RECQL4: variants seen among roughly 807,000 people sequenced by gnomAD.
RECQL4 encodes the protein RecQ like helicase 4, also known as ATP-dependent DNA helicase Q4.
A neutral mutation model predicts 128.6 loss-of-function variants in RECQL4; 158 were observed. That is an observed-to-expected ratio of 1.23 (90% CI 1.08 to 1.40). The LOEUF is 1.40. RECQL4 is among the 40% of genes most tolerant of loss of function. The pLI, the probability that RECQL4 is intolerant of heterozygous loss-of-function variation, is 0.00. For synonymous variants in RECQL4, 996 were observed against 678.9 expected (o/e 1.47, Z -7.26); for missense variants, 2,293 against 1,649.8 (o/e 1.39, Z -6.75).
rs2130663899 is a variant in RECQL4 at position 144,512,528 on chromosome 8, C to T, written c.2919G>A (p.Gln973=). Residue 973 remains glutamine, a synonymous_variant, in exon 17 of 21, where the codon CAG becomes CAA. Transcript: ENST00000617875. ...TGCCTTGCCCTGGGTCCTCAGGCAG[C>T]TGCTGGGCCAAGCACACAGCCAAAG... The part of the protein sequence containing the change: ...CPPLAVCLAQ[Q]LPEDPGQGSS... The T allele has an allele frequency of 6.2e-7, 1 of 1,612,578 alleles. No individual in the cohort carries two copies. Among genetic ancestry groups the T allele is most frequent in the Admixed American group, 1.7e-5 (1 of 60,026 alleles).
Position 144,514,350 on chromosome 8 carries a change from G to A in RECQL4, c.1717C>T (p.Gln573Ter), listed in dbSNP as rs1483085748. ...ESVLQKIRAA[Q>*]VHVLMLTPEA... ...GGTGTCAGCATCAGCACGTGTACCTGGGCTGCCCGAATCTGAAGGCAGCAA... is the reference window on the plus strand; with the variant it reads ...GGTGTCAGCATCAGCACGTGTACCTAGGCTGCCCGAATCTGAAGGCAGCAA... Residue 573 changes from glutamine (Q) to a stop codon, truncating the protein, a stop_gained, in exon 11 of 21, where the codon CAG (glutamine) becomes TAG (stop). Transcript: ENST00000617875. LOFTEE classifies it high-confidence loss of function. 1 of 1,602,492 alleles carries A rather than the reference G, an allele frequency of 6.2e-7. No homozygotes were observed. Among genetic ancestry groups the A allele is most frequent in the African/African-American group, 1.3e-5 (1 of 74,850 alleles).
chr8:144,517,541 G>T, intron 2 of RECQL4, 33 bp from the exon 3 acceptor site: 1 of 1,552,752 alleles, frequency 6.4e-7, no homozygotes. Context: ...GGGTCAGGGT[G>T]GGGCCTGGGC....
chr8:144,513,180 GC>G (rs1827578624), intron 14 of RECQL4, 37 bp downstream of exon 14: 5 of 1,480,618 alleles, frequency 3.4e-6, no homozygotes, highest in Admixed American at 1.8e-5. Flanking sequence ...ACCACTGGGG[GC>G]TCGAGCACTG....
chr8:144,515,705 G>A (rs937108032), intron 6 of RECQL4, 59 bp downstream of exon 6: 15 of 1,586,544 alleles, frequency 9.5e-6, no homozygotes, highest in Admixed American at 1.7e-5. Context: ...TCCCCCAAAA[G>A]AGCACTGCGC....
At chr8:144,514,906 G>GT (rs1827925218) in intron 9 of RECQL4, 30 bp downstream of exon 9, 1 of 1,608,058 alleles carries the variant, frequency 6.2e-7, no homozygotes, top group Non-Finnish European at 8.5e-7. Context: ...TCTTGGCTGT[G>GT]TACGTGTGCC....
intron 3 of RECQL4, 65 bp from the exon 4 acceptor site, chr8:144,517,255 AC>A: frequency 1.3e-6 from 2 of 1,527,150 alleles, no homozygotes. Flanking sequence ...GCTCCCAGCC[AC>A]CCCTCCCGCA....
chr8:144,517,054 AG>A lies in RECQL4; in HGVS notation c.349del (p.Leu117CysfsTer14), dbSNP rs769910217. On this transcript the variant is annotated frameshift_variant, in exon 4 of 21. Transcript: ENST00000617875. LOFTEE classifies it high-confidence loss of function. ...CACTGCCTGCCCACTCCTCACCTGC[AG>A]GGTGCCTTTCAGATTGGCCTTGAGC... ...QRLKANLKGT[L>X]QAGPALGRRP... The A allele has an allele frequency of 6.2e-7, 1 of 1,609,882 alleles. No homozygotes were observed. Among genetic ancestry groups the A allele is most frequent in the African/African-American group, 1.3e-5 (1 of 75,008 alleles).
chr8:144,513,196 T>C (rs1564794121), intron 14 of RECQL4, 22 bp downstream of exon 14: 1 of 514,498 alleles, frequency 1.9e-6, no homozygotes, highest in Admixed American at 3.2e-5. Context: ...GCACTGGCAG[T>C]GTGGGGGGGG....
intron 2 of RECQL4, 30 bp from the exon 3 acceptor site, chr8:144,517,538 G>C (rs1426587117): frequency 6.4e-7 from 1 of 1,554,698 alleles, no homozygotes; most frequent in Non-Finnish European, 8.6e-7. Flanking sequence ...GCGGGGTCAG[G>C]GTGGGGCCTG....
rs1007744170 is a variant in RECQL4 at position 144,516,250 on chromosome 8, C to T, written c.869G>A (p.Gly290Glu). The T allele has an allele frequency of 1.9e-6, 3 of 1,612,506 alleles. No homozygotes were observed. The African/African-American group carries it at 4.0e-5, about 22-fold the overall frequency. The stretch of plus-strand genomic sequence containing the variant: ...AGGGTCTTCCTCAACTGCTACAGCC[C>T]CAGCCCCCTCCGATGGGGGTCCAGC... ...SQAGPPSEGAGAVAVEEDPPG... is the reference protein window; with the variant it reads ...SQAGPPSEGAEAVAVEEDPPG... The change falls in exon 5 of 21, where the codon GGG becomes GAG. Residue 290 changes from glycine (G) to glutamate (E), a missense_variant. Coordinates refer to ENST00000617875, the MANE Select transcript of RECQL4 (RefSeq NM_004260.4).
At chr8:144,513,509 G>A (rs1482408128) in intron 13 of RECQL4, 29 bp from the exon 14 acceptor site, 1 of 1,610,636 alleles carries the variant, frequency 6.2e-7, no homozygotes. Flanking sequence ...GATGGTCAGT[G>A]GGATGGGACC....
In RECQL4 at chr8:144,511,380, C is replaced by T. The variant is rs558647166; in HGVS notation, c.*51G>A. 40 of 1,600,664 alleles carry T rather than the reference C, an allele frequency of 2.5e-5. No homozygotes were observed. Among genetic ancestry groups the T allele is most frequent in the Middle Eastern group, 3.3e-4 (2 of 6,052 alleles). On this transcript the variant is annotated 3_prime_UTR_variant, in exon 21 of 21. Coordinates refer to ENST00000617875, the MANE Select transcript of RECQL4 (RefSeq NM_004260.4). The stretch of plus-strand genomic sequence containing the variant: ...TTTTGCCCAGGTCCTCAGTCACTGC[C>T]CTAGCCTCTGACAACCCCAGCTCTA...
In RECQL4 at chr8:144,512,883, G is replaced by A. The variant is rs749389984; in HGVS notation, c.2719C>T (p.Gln907Ter). 2.5e-6 allele frequency: 4 copies of A among 1,595,880 alleles called. No individual in the cohort carries two copies. Among genetic ancestry groups the A allele is most frequent in the South Asian group, 2.3e-5 (2 of 88,680 alleles). Residue 907 changes from glutamine (Q) to a stop codon, truncating the protein, a stop_gained, in exon 15 of 21, where the codon CAG becomes TAG. Coordinates refer to ENST00000617875, the MANE Select transcript of RECQL4 (RefSeq NM_004260.4). LOFTEE classifies it high-confidence loss of function. ...ATGTCCAAAGCCTGTACGGTAAGCT[G>A]TATTGGGAGTGCCCGCTCATGGCCC... ...CMGHERALPIQLTVQALDMPE... is the reference protein window; with the variant it reads ...CMGHERALPI
In RECQL4 at chr8:144,512,666, G is replaced by A. The variant is rs746594220; in HGVS notation, c.2861C>T (p.Ala954Val). The A allele has an allele frequency of 4.3e-6, 7 of 1,612,576 alleles. No homozygotes were observed. Among genetic ancestry groups the A allele is most frequent in the Admixed American group, 1.7e-5 (1 of 60,026 alleles). Reference protein sequence around the residue: ...HCRLNCPGGPAQLQALAHRCP... With the variant: ...HCRLNCPGGPVQLQALAHRCP... ...CCTGTGGGCCAGGGCCTGGAGCTGG[G>A]CAGGGCCCCCAGGGCAGTTCAGACG... The change falls in exon 16 of 21, where the codon GCC becomes GTC. Residue 954 changes from alanine to valine, a missense_variant. Ala to Val is a moderately conservative substitution (Grantham distance 64). Coordinates refer to ENST00000617875, the MANE Select transcript of RECQL4 (RefSeq NM_004260.4).
chr8:144,513,850 C>T (rs1586807038), intron 12 of RECQL4, 78 bp downstream of exon 12: 11 of 1,467,928 alleles, frequency 7.5e-6, no homozygotes, highest in East Asian at 5.3e-5. Context: ...TCGGCGTGGG[C>T]GGTGGGGAGT....
Position 144,513,412 on chromosome 8 carries a change from G to T in RECQL4, c.2269C>A (p.Gln757Lys). 6.2e-7 allele frequency: 1 copy of T among 1,608,982 alleles called. No homozygotes were observed. The highest frequency in any genetic ancestry group is 8.5e-7 in the Non-Finnish European group (1 of 1,179,718). ...GMCSRERRRV[Q>K]RAFMQGQLRV... ...AACTGGCCCTGCATGAAGGCTCGCT[G>T]TACCCGCCGCCGTTCCCGGCTGCAC... The change falls in exon 14 of 21, where the codon CAG becomes AAG. Residue 757 changes from glutamine to lysine, a missense_variant. Transcript: ENST00000617875.
Position 144,515,842 on chromosome 8 carries a change from C to T in RECQL4, c.1180G>A (p.Gly394Ser), listed in dbSNP as rs1828087724. 1 of 1,612,846 alleles carries T rather than the reference C, an allele frequency of 6.2e-7. No individual in the cohort carries two copies. ...RKKGECFGGG[G>S]ATVTTKESCF... is the part of the protein sequence containing the mutation. ...GACTCCTTGGTTGTGACTGTGGCAC[C>T]ACCACCCCCAAAACACTCCCCTTTC... Residue 394 changes from glycine to serine, a missense_variant, in exon 6 of 21, where the codon GGT (glycine) becomes AGT (serine). Transcript: ENST00000617875.
At position 144,515,174 on chromosome 8, in the gene RECQL4, G is replaced by A. The variant is rs762386238; in HGVS notation, c.1459C>T (p.Arg487Cys). 8 of 1,565,740 alleles carry A rather than the reference G, an allele frequency of 5.1e-6. No individual in the cohort carries two copies. Among genetic ancestry groups the A allele is most frequent in the Admixed American group, 1.9e-5 (1 of 52,512 alleles). The part of the protein sequence containing the change: ...GHQAFRPGQE[R>C]AVMRILSGIS... Reference sequence around the variant, plus strand: ...CCAGACAGGATCCGCATGACTGCACGCTCCTGCCCAGGGCGAAAGGCTTGG... The same window carrying A: ...CCAGACAGGATCCGCATGACTGCACACTCCTGCCCAGGGCGAAAGGCTTGG... The change falls in exon 8 of 21, where the codon CGT becomes TGT. Residue 487 changes from arginine (R) to cysteine (C), a missense_variant. By Grantham distance (180) the Arg-to-Cys change is radical (BLOSUM62 -3). Transcript: ENST00000617875.
Position 144,516,262 on chromosome 8 carries a change from G to A in RECQL4, c.857C>T (p.Ser286Leu), listed in dbSNP as rs757320755. Residue 286 changes from serine (S) to leucine (L), a missense_variant, in exon 5 of 21, where the codon TCG becomes TTG. Ser to Leu is a moderately radical substitution (Grantham distance 145). Coordinates refer to ENST00000617875, the MANE Select transcript of RECQL4 (RefSeq NM_004260.4). ...QQESSQAGPP[S>L]EGAGAVAVEE... The stretch of plus-strand genomic sequence containing the variant: ...AACTGCTACAGCCCCAGCCCCCTCC[G>A]ATGGGGGTCCAGCTTGGCTGCTCTC... 8 of 1,612,242 alleles carry A rather than the reference G, an allele frequency of 5.0e-6. No individual in the cohort carries two copies. The highest frequency in any genetic ancestry group is 3.3e-5 in the Admixed American group (2 of 59,916).
Sources: allele counts gnomAD v4.1 joint callset, GRCh38; gene constraint gnomAD v4.1.1; transcripts MANE v1.5; gene names NCBI Gene and HGNC (gene_info 2026-07-23, HGNC 2026-07-21).